Variants in ANKRD30A observed in about 807,000 individuals in gnomAD.
ANKRD30A encodes ankyrin repeat domain 30A, also known as ankyrin repeat domain-containing protein 30A.
ANKRD30A carries 170 observed loss-of-function variants against 166.3 expected under a neutral mutation model. That is an observed-to-expected ratio of 1.02 (90% confidence interval 0.90 to 1.16). The LOEUF (loss-of-function observed/expected upper bound fraction) is 1.16, where lower values mean the gene tolerates loss of function less well. Ranked by LOEUF, ANKRD30A falls within the 50% of genes most tolerant of loss-of-function variation. The pLI, the probability that ANKRD30A is intolerant of heterozygous loss-of-function variation, is 0.00. For missense variants in ANKRD30A, 1,630 were observed against 1,518.0 expected, an observed-to-expected ratio of 1.07 and a Z score of -1.23; for synonymous variants, 564 against 508.9, an observed-to-expected ratio of 1.11 and a Z score of -1.46.
intron 25 of ANKRD30A, among the ~76,000 whole-genome samples, chr10:37,191,123 A>G (rs1840532226): frequency 6.6e-6 from 1 of 151,872 alleles, no homozygotes. Context: ...CTAAATTTAA[A>G]TGAAATACAT....
rs1836296216 is a variant in ANKRD30A, at chr10:37,130,197, A to G, written c.337-8A>G. On this transcript the variant is annotated splice_region_variant and splice_polypyrimidine_tract_variant and intron_variant, in intron 2 of 35. Transcript: ENST00000361713. ...AGTTTACAATAATTCTTGCTTTAAT[A>G]CTGACAGGCTCTACAATGCCATCAG... 1.3e-6 allele frequency: 2 copies of G among 1,561,354 alleles called. No individual in the cohort carries two copies. The highest frequency in any genetic ancestry group is 1.7e-6 in the Non-Finnish European group (2 of 1,157,066).
chr10:37,230,531 G>C (rs1437061236), intron 34 of ANKRD30A, among the ~76,000 whole-genome samples: 3 of 152,006 alleles, frequency 2.0e-5, no homozygotes, highest in Non-Finnish European at 2.9e-5. Context: ...TTTGACAGTA[G>C]TATTGTCATT....
chr10:37,205,380 A>G (rs1841925393), intron 31 of ANKRD30A, among the ~76,000 whole-genome samples: 1 of 145,478 alleles, frequency 6.9e-6, no homozygotes, highest in Non-Finnish European at 1.5e-5. Flanking sequence ...GTTCTCACCC[A>G]TAGGTGGGAA....
At chr10:37,151,289 C>T (rs866156941) in intron 11 of ANKRD30A, among the ~76,000 whole-genome samples, 12 of 152,054 alleles carry the variant, frequency 7.9e-5, no homozygotes, top group African/African-American at 2.9e-4. Context: ...TTCCTGAGAA[C>T]TCGTCAAGTC....
chr10:37,218,335 A>G (rs1272351567), intron 33 of ANKRD30A, among the ~76,000 whole-genome samples: 2 of 150,896 alleles, frequency 1.3e-5, no homozygotes, highest in East Asian at 1.9e-4. Flanking sequence ...ACCCAGTAGA[A>G]TGAACTGAGA....
Position 37,165,074 on chromosome 10 carries a change from C to A in ANKRD30A, c.2003-20C>A. On this transcript the variant is annotated intron_variant, in intron 17 of 35. Transcript: ENST00000361713. ...TAGAGAACTGTGCTCATGAATGTAT[C>A]TGTGATTAACCTTTTATAGATGAGA... 1 of 1,598,158 alleles carries A rather than the reference C, an allele frequency of 6.3e-7. No individual in the cohort carries two copies. The highest frequency in any genetic ancestry group is 2.2e-5 in the East Asian group (1 of 44,640).
At chr10:37,164,544 T>C (rs1839153080) in intron 17 of ANKRD30A, among the ~76,000 whole-genome samples, 1 of 152,018 alleles carries the variant, frequency 6.6e-6, no homozygotes, top group African/African-American at 2.4e-5. Context: ...TCCTAAAGCA[T>C]ATACACACGC....
chr10:37,183,673 A>AT (rs1416385934), intron 24 of ANKRD30A, among the ~76,000 whole-genome samples: 1 of 147,894 alleles, frequency 6.8e-6, no homozygotes, highest in Non-Finnish European at 1.5e-5. Context: ...TTATGGTCTC[A>AT]TTTCTCATAT....
the ANKRD30A span, among the ~76,000 whole-genome samples, chr10:37,257,006 T>C: frequency 1.3e-5 from 2 of 152,286 alleles, no homozygotes; most frequent in African/African-American, 4.8e-5. Context: ...AGATCGGCTA[T>C]GAATCCATCT....
chr10:37,214,486 C>A (rs1842501361), intron 31 of ANKRD30A, among the ~76,000 whole-genome samples: 2 of 148,674 alleles, frequency 1.3e-5, no homozygotes, highest in African/African-American at 2.5e-5. Context: ...TGCTTTTGTT[C>A]TTTTTCTGCT....
chr10:37,128,266 T>G (rs1836170057), intron 1 of ANKRD30A, among the ~76,000 whole-genome samples: 1 of 152,094 alleles, frequency 6.6e-6, no homozygotes, highest in Non-Finnish European at 1.5e-5. Flanking sequence ...GCATTGAGCA[T>G]GTACAATGCT....
rs201234943 is a variant in ANKRD30A at position 37,158,563 on chromosome 10, A to T, written c.1877A>T (p.Lys626Met). The T allele has an allele frequency of 4.6e-4, 745 of 1,613,336 alleles. No individual in the cohort carries two copies. Among genetic ancestry groups the T allele is most frequent in the Non-Finnish European group, 5.8e-4 (690 of 1,179,646 alleles). ...ATTCCAACTAAAGCCTTAGAATTGA[A>T]GGACATGCAAACTTTCAAAGCAGGT... Reference protein sequence around the residue: ...VSIPTKALELKDMQTFKAEPP... With the variant: ...VSIPTKALELMDMQTFKAEPP... The change falls in exon 15 of 36, where the codon AAG (lysine) becomes ATG (methionine). Residue 626 changes from lysine (K) to methionine (M), a missense_variant. Physicochemically the swap from Lys to Met is moderately conservative, Grantham distance 95 (BLOSUM62 -1). This residue lies in a region of ANKRD30A where 904 missense variants were observed against 818.5 expected (regional missense o/e 1.10). Transcript: ENST00000361713.
chr10:37,220,028 T>TATATATATATATATAA lies in ANKRD30A; in HGVS notation c.4185+132_4185+133insTATATATATATATAAA, dbSNP rs1491157188. 2.0e-5 allele frequency: 3 copies of TATATATATATATATAA among 152,070 alleles called. No individual in the cohort carries two copies. The East Asian group carries it at 5.8e-4, about 29-fold the overall frequency. 9.4% of individuals were successfully genotyped at this position (152,070 alleles called of 1,614,324 possible). A position where few individuals can be genotyped will look rare whatever the true frequency, so the allele number is the denominator to read the frequency against. ...ATATATATATATATATATATATATA[T>TATATATATATATATAA]AATATATGTATGTATAAATAGATGA... On this transcript the variant is annotated intron_variant, in intron 34 of 35. Transcript: ENST00000361713.
At chr10:37,243,298 C>CT in the ANKRD30A span, among the ~76,000 whole-genome samples, 48 of 137,650 alleles carry the variant, frequency 3.5e-4, no homozygotes, top group African/African-American at 1.2e-3. Context: ...CCACGCCCAC[C>CT]TTTTTTTTTT....
At chr10:37,245,872 C>A in the ANKRD30A span, among the ~76,000 whole-genome samples, 2 of 152,138 alleles carry the variant, frequency 1.3e-5, no homozygotes, top group African/African-American at 4.8e-5. Flanking sequence ...TAATCTCAGG[C>A]CCTAAATGTT....
chr10:37,229,354 T>C (rs552193785), intron 34 of ANKRD30A, among the ~76,000 whole-genome samples: 1 of 152,088 alleles, frequency 6.6e-6, no homozygotes, highest in Admixed American at 6.6e-5. Flanking sequence ...TGAATTGTTT[T>C]ATATTTTTAG....
chr10:37,149,977 C>A, intron 11 of ANKRD30A, 128 bp downstream of exon 11: 1 of 1,289,874 alleles, frequency 7.8e-7, no homozygotes. Context: ...AATGCCAATA[C>A]TGGTATTGAT....
rs191133573 is a variant in ANKRD30A, at chr10:37,221,878, A to T, written c.4185+1981A>T. Among the ~76,000 whole-genome samples, 3 of 151,488 alleles carry T rather than the reference A, an allele frequency of 2.0e-5. No homozygotes were observed. In the East Asian group the frequency reaches 5.8e-4, roughly 29 times the overall value. On this transcript the variant is annotated intron_variant, in intron 34 of 35. Coordinates refer to ENST00000361713, the MANE Select transcript of ANKRD30A (RefSeq NM_052997.3). ...TTCTTAGCTCCACTTTTGTGAGTGG[A>T]TGCCAAGGACATTATACTGTTCTCC...
intron 34 of ANKRD30A, among the ~76,000 whole-genome samples, chr10:37,228,134 C>A (rs970038251): frequency 9.9e-5 from 15 of 151,822 alleles, no homozygotes; most frequent in African/African-American, 3.6e-4. Flanking sequence ...TTATGCTATT[C>A]AAAGAAAAAG....
Sources: allele counts gnomAD v4.1 joint callset (sites outside exome capture counted in the v4.1 genomes callset), GRCh38; gene constraint gnomAD v4.1.1; regional missense constraint gnomAD v4.1.1; transcripts MANE v1.5; gene names NCBI Gene and HGNC (gene_info 2026-07-23, HGNC 2026-07-21).